HS3ST4: variants seen among roughly 807,000 people sequenced by gnomAD.
HS3ST4 encodes the protein heparan sulfate-glucosamine 3-sulfotransferase 4.
A neutral mutation model predicts 29.2 loss-of-function variants in HS3ST4; 17 were observed. The ratio of observed to expected loss-of-function variants is 0.58; its 90% CI spans 0.40 to 0.87. HS3ST4 has a LOEUF of 0.87. Ranked by LOEUF, HS3ST4 falls within the 40% of genes least tolerant of loss-of-function variation. HS3ST4 has a pLI of 0.00. For missense variants in HS3ST4, 627 were observed against 634.5 expected, an observed-to-expected ratio of 0.99 and a Z score of 0.13; for synonymous variants, 314 against 285.7, an observed-to-expected ratio of 1.10 and a Z score of -1.00.
chr16:26,024,006 C>T (rs775390085), intron 1 of HS3ST4, among the ~76,000 whole-genome samples: 1 of 151,956 alleles, frequency 6.6e-6, no homozygotes, highest in Non-Finnish European at 1.5e-5. Context: ...AGGTGTATCA[C>T]TTGAGATCGG....
chr16:25,942,325 C>G (rs2141692828), intron 1 of HS3ST4, among the ~76,000 whole-genome samples: 1 of 152,288 alleles, frequency 6.6e-6, no homozygotes, highest in African/African-American at 2.4e-5. Flanking sequence ...GAGTCACCAA[C>G]CAGTGAAGAG....
chr16:26,122,254 A>G (rs867804745), intron 1 of HS3ST4, among the ~76,000 whole-genome samples: 7 of 151,864 alleles, frequency 4.6e-5, no homozygotes, highest in African/African-American at 1.7e-4. Flanking sequence ...CCTTTCAAAC[A>G]TGTAGATTCA....
intron 1 of HS3ST4, among the ~76,000 whole-genome samples, chr16:25,974,541 C>G (rs2141708062): frequency 6.6e-6 from 1 of 152,198 alleles, no homozygotes; most frequent in South Asian, 2.1e-4. Flanking sequence ...AAGGAAGACA[C>G]TAGATCCTTA....
chr16:25,715,228 A>C (rs1966445054), intron 1 of HS3ST4, among the ~76,000 whole-genome samples: 2 of 150,878 alleles, frequency 1.3e-5, no homozygotes, highest in South Asian at 4.2e-4. Flanking sequence ...AGGCTGAGGC[A>C]GGAGAATGGC....
chr16:26,094,811 C>G (rs1186840544), intron 1 of HS3ST4, among the ~76,000 whole-genome samples: 2 of 152,136 alleles, frequency 1.3e-5, no homozygotes, highest in Non-Finnish European at 2.9e-5. Flanking sequence ...TTAAAAGACA[C>G]AAACTAGCAA....
intron 1 of HS3ST4, among the ~76,000 whole-genome samples, chr16:25,776,076 T>G (rs1367439961): frequency 1.3e-5 from 2 of 152,206 alleles, no homozygotes; most frequent in African/African-American, 4.8e-5. Context: ...TTTGGTTGTC[T>G]TGCAACCTTA....
At chr16:25,758,603 T>G (rs1966771286) in intron 1 of HS3ST4, among the ~76,000 whole-genome samples, 1 of 152,180 alleles carries the variant, frequency 6.6e-6, no homozygotes, top group Non-Finnish European at 1.5e-5. Context: ...AAAGACCACC[T>G]TGGCTCAGAG....
intron 1 of HS3ST4, among the ~76,000 whole-genome samples, chr16:26,020,794 T>G (rs1969405680): frequency 6.6e-6 from 1 of 152,188 alleles, no homozygotes; most frequent in Admixed American, 6.5e-5. Context: ...GTGATCCGTG[T>G]GCAGGTTCAA....
chr16:25,763,459 C>T (rs906864961), intron 1 of HS3ST4, among the ~76,000 whole-genome samples: 15 of 152,124 alleles, frequency 9.9e-5, no homozygotes, highest in African/African-American at 2.2e-4. Flanking sequence ...GTTTTCCTGC[C>T]ACGTCTAGGC....
intron 1 of HS3ST4, among the ~76,000 whole-genome samples, chr16:25,774,875 C>T (rs1169533112): frequency 2.0e-5 from 3 of 152,164 alleles, no homozygotes; most frequent in South Asian, 4.1e-4. Flanking sequence ...TGTCCCTGTC[C>T]CCAGCAGCAC....
chr16:25,828,300 C>CTTTCTTT lies in HS3ST4; in HGVS notation c.734+135149_734+135150insTTTCTTT, dbSNP rs1567249517. 2.1e-3 allele frequency among the ~76,000 whole-genome samples: 118 copies of CTTTCTTT among 56,760 alleles called. 1 individual carries two copies. Among genetic ancestry groups the CTTTCTTT allele is most frequent in the South Asian group, 6.4e-3 (8 of 1,250 alleles). 37.2% of individuals were successfully genotyped at this position (56,760 alleles called of 152,430 possible). On this transcript the variant is annotated intron_variant, in intron 1 of 1. Coordinates refer to ENST00000331351, the MANE Select transcript of HS3ST4 (RefSeq NM_006040.3). The stretch of plus-strand genomic sequence containing the variant: ...TCTTTCTTTCTTTCTTTCTTTCTTT[C>CTTTCTTT]CCTCTCTCTCTCTCTCTCTCTCTCT...
At chr16:25,933,224 G>A (rs997703763) in intron 1 of HS3ST4, among the ~76,000 whole-genome samples, 2 of 152,206 alleles carry the variant, frequency 1.3e-5, no homozygotes, top group Admixed American at 1.3e-4. Flanking sequence ...ATGTGGAGGC[G>A]AAGAGGAAGA....
chr16:26,024,866 C>A (rs1052005070), intron 1 of HS3ST4, among the ~76,000 whole-genome samples: 33 of 152,168 alleles, frequency 2.2e-4, no homozygotes, highest in African/African-American at 3.9e-4. Context: ...AAGTCCAGCA[C>A]CCCCATGCTA....
intron 1 of HS3ST4, among the ~76,000 whole-genome samples, chr16:26,042,372 G>GTA (rs1269554489): frequency 6.6e-6 from 1 of 151,992 alleles, no homozygotes; most frequent in Non-Finnish European, 1.5e-5. Context: ...GTGTGTGTGT[G>GTA]TGTGTGTGTG....
intron 1 of HS3ST4, among the ~76,000 whole-genome samples, chr16:25,980,019 A>G (rs1257298527): frequency 1.3e-5 from 2 of 152,250 alleles, no homozygotes; most frequent in East Asian, 3.9e-4. Context: ...CCCTCAGATC[A>G]TCTCACTACC....
chr16:25,852,154 G>C (rs1356316122), intron 1 of HS3ST4, among the ~76,000 whole-genome samples: 3 of 152,124 alleles, frequency 2.0e-5, no homozygotes, highest in African/African-American at 7.2e-5. Context: ...AGTCAGCAGG[G>C]TCTCTCATGA....
chr16:26,064,122 G>T (rs113802457), intron 1 of HS3ST4, among the ~76,000 whole-genome samples: 8 of 152,122 alleles, frequency 5.3e-5, no homozygotes, highest in African/African-American at 1.9e-4. Context: ...CATGTTGGGG[G>T]CTATGGTGAG....
At chr16:26,048,845 A>C (rs545422087) in intron 1 of HS3ST4, among the ~76,000 whole-genome samples, 4 of 152,102 alleles carry the variant, frequency 2.6e-5, no homozygotes, top group Non-Finnish European at 5.9e-5. Context: ...AAGTAAAAAA[A>C]TAACATTGAA....
intron 1 of HS3ST4, among the ~76,000 whole-genome samples, chr16:25,702,871 C>T (rs1477137739): frequency 6.6e-6 from 1 of 151,934 alleles, no homozygotes; most frequent in Non-Finnish European, 1.5e-5. Context: ...CTCAACTCAA[C>T]TCTTAAGAGT....
Sources: allele counts gnomAD v4.1 joint callset (sites outside exome capture counted in the v4.1 genomes callset), GRCh38; gene constraint gnomAD v4.1.1; transcripts MANE v1.5; gene names NCBI Gene and HGNC (gene_info 2026-07-23, HGNC 2026-07-21).